Variants in STPG4 observed in about 807,000 individuals in gnomAD.
STPG4 encodes sperm-tail PG-rich repeat containing 4, also known as protein STPG4.
A neutral mutation model predicts 31.5 loss-of-function variants in STPG4; 41 were observed. The observed-to-expected ratio is 1.30, with a 90% CI of 1.01 to 1.69. The LOEUF (loss-of-function observed/expected upper bound fraction) is 1.69. Among genes scored for constraint, STPG4 ranks in the 40% most tolerant of loss-of-function variants. The pLI is 0.00. For missense variants in STPG4, 375 were observed against 293.4 expected, an observed-to-expected ratio of 1.28 and a Z score of -2.03; for synonymous variants, 141 against 103.0, an observed-to-expected ratio of 1.37 and a Z score of -2.24.
chr2:47,133,489 G>A (rs1006068284), intron 3 of STPG4, among the ~76,000 whole-genome samples: 11 of 148,578 alleles, frequency 7.4e-5, no homozygotes, highest in African/African-American at 2.7e-4. Context: ...TTAAGGCTTA[G>A]AGAATCTAGG....
chr2:47,149,520 GA>G (rs1686896305), intron 3 of STPG4, among the ~76,000 whole-genome samples: 1 of 152,238 alleles, frequency 6.6e-6, no homozygotes, highest in African/African-American at 2.4e-5. Flanking sequence ...AAGCAAACAG[GA>G]TAAGATATAC....
In STPG4 at chr2:47,137,617, G is replaced by A. The variant is rs576142449; in HGVS notation, c.400-7357C>T. Among the ~76,000 whole-genome samples the A allele has an allele frequency of 1.1e-4, 16 of 152,224 alleles. 1 individual carries two copies. In the South Asian group the frequency reaches 1.9e-3, roughly 18 times the overall value. On this transcript the variant is annotated intron_variant, in intron 3 of 6. Coordinates refer to ENST00000445927, the MANE Select transcript of STPG4 (RefSeq NM_001163561.2). ...TGTGAACGCATCTGGGCCTAGCAAT[G>A]TCTATTTTGAAAAGTTATAATCACT...
chr2:47,105,999 G>C (rs921030554), intron 5 of STPG4, among the ~76,000 whole-genome samples: 11 of 151,888 alleles, frequency 7.2e-5, no homozygotes, highest in African/African-American at 2.7e-4. Flanking sequence ...GGGGAGAACA[G>C]CAGCATAAGC....
intron 5 of STPG4, among the ~76,000 whole-genome samples, chr2:47,112,530 T>C (rs1558676793): frequency 6.6e-6 from 1 of 152,176 alleles, no homozygotes; most frequent in African/African-American, 2.4e-5. Flanking sequence ...TTTTCACTGA[T>C]CATGTTAAGA....
intron 5 of STPG4, among the ~76,000 whole-genome samples, chr2:47,099,999 A>C (rs1358294151): frequency 6.6e-6 from 1 of 152,084 alleles, no homozygotes; most frequent in Non-Finnish European, 1.5e-5. Context: ...GCAGCCCACC[A>C]TGCCTGAGCC....
intron 6 of STPG4, among the ~76,000 whole-genome samples, chr2:47,088,694 A>G (rs981437344): frequency 6.6e-6 from 1 of 152,206 alleles, no homozygotes; most frequent in African/African-American, 2.4e-5. Context: ...GGAAACAGCA[A>G]GAGTGGAGCA....
At chr2:47,123,091 G>C (rs988656746) in intron 5 of STPG4, among the ~76,000 whole-genome samples, 30 of 152,152 alleles carry the variant, frequency 2.0e-4, no homozygotes, top group African/African-American at 6.5e-4. Flanking sequence ...CTTCCAAAGT[G>C]CTGGGATTAC....
At chr2:47,133,238 G>C (rs545576028) in intron 3 of STPG4, among the ~76,000 whole-genome samples, 1 of 151,858 alleles carries the variant, frequency 6.6e-6, no homozygotes, top group African/African-American at 2.4e-5. Context: ...CGCAACCATA[G>C]CTCACTGCGC....
chr2:47,097,072 G>A (rs1433823696), intron 5 of STPG4, among the ~76,000 whole-genome samples: 3 of 152,090 alleles, frequency 2.0e-5, no homozygotes, highest in African/African-American at 4.8e-5. Context: ...GATATGAGGG[G>A]CAAAGGCACG....
intron 1 of STPG4, among the ~76,000 whole-genome samples, chr2:47,154,527 A>G (rs144658933): frequency 5.3e-5 from 8 of 152,350 alleles, no homozygotes; most frequent in African/African-American, 1.9e-4. Flanking sequence ...TCTAAGGGGA[A>G]AGATAAAAGA....
intron 5 of STPG4, among the ~76,000 whole-genome samples, chr2:47,090,956 C>T (rs529617074): frequency 5.9e-5 from 9 of 152,280 alleles, no homozygotes; most frequent in South Asian, 2.1e-4. Context: ...GATATACAAA[C>T]GTTCAATGAG....
At chr2:47,129,902 T>C (rs1476784065) in intron 5 of STPG4, 39 bp downstream of exon 5, 3 of 1,600,050 alleles carry the variant, frequency 1.9e-6, no homozygotes, top group Non-Finnish European at 2.5e-6. Flanking sequence ...ATTTTAAACA[T>C]CAAATTCATC....
chr2:47,149,954 G>A (rs1336423465), intron 3 of STPG4, among the ~76,000 whole-genome samples: 1 of 152,128 alleles, frequency 6.6e-6, no homozygotes, highest in African/African-American at 2.4e-5. Flanking sequence ...CAAGGCGAGG[G>A]GCACATGGTA....
chr2:47,136,051 GAA>G (rs1335507738), intron 3 of STPG4, among the ~76,000 whole-genome samples: 4 of 152,256 alleles, frequency 2.6e-5, no homozygotes, highest in Non-Finnish European at 1.5e-5. Context: ...GGATTGCATG[GAA>G]TTTAAAGATC....
At chr2:47,133,793 T>C (rs1449844830) in intron 3 of STPG4, among the ~76,000 whole-genome samples, 1 of 151,914 alleles carries the variant, frequency 6.6e-6, no homozygotes, top group East Asian at 1.9e-4. Flanking sequence ...GTCACGCTGG[T>C]CTCAAATGCC....
At chr2:47,090,911 A>G (rs967632749) in intron 5 of STPG4, among the ~76,000 whole-genome samples, 1 of 152,218 alleles carries the variant, frequency 6.6e-6, no homozygotes. Context: ...CAATCACTCC[A>G]GTAGGAAAAT....
chr2:47,143,249 C>T (rs1010283307), intron 3 of STPG4, among the ~76,000 whole-genome samples: 1 of 152,136 alleles, frequency 6.6e-6, no homozygotes, highest in Non-Finnish European at 1.5e-5. Context: ...AATTGCCCTC[C>T]AAAATATTTG....
intron 2 of STPG4, among the ~76,000 whole-genome samples, chr2:47,151,919 G>GTT (rs71245620): frequency 8.7e-4 from 65 of 74,824 alleles, no homozygotes; most frequent in African/African-American, 1.6e-3. Context: ...TTTTTGTTTT[G>GTT]TTTTTTTTTT....
chr2:47,103,126 T>C (rs1685834227), intron 5 of STPG4, among the ~76,000 whole-genome samples: 1 of 151,880 alleles, frequency 6.6e-6, no homozygotes, highest in Non-Finnish European at 1.5e-5. Context: ...ACTGGGACCT[T>C]GACTCATATC....
Sources: allele counts gnomAD v4.1 joint callset (sites outside exome capture counted in the v4.1 genomes callset), GRCh38; gene constraint gnomAD v4.1.1; transcripts MANE v1.5; gene names NCBI Gene and HGNC (gene_info 2026-07-23, HGNC 2026-07-21).